SLC38A3: variants seen among roughly 807,000 people sequenced by gnomAD.
SLC38A3 encodes sodium-coupled neutral amino acid transporter 3.
SLC38A3 carries 17 observed loss-of-function variants against 59.5 expected under a neutral mutation model. The ratio of observed to expected loss-of-function variants is 0.29; its 90% CI spans 0.20 to 0.43. SLC38A3 has a LOEUF of 0.43. SLC38A3 is among the 20% of genes least tolerant of loss of function. SLC38A3 has a pLI of 1.00. For missense variants in SLC38A3, 454 were observed against 653.9 expected (o/e 0.69, Z 3.33); for synonymous variants, 238 against 260.3 (o/e 0.91, Z 0.82).
intron 1 of SLC38A3, among the ~76,000 whole-genome samples, chr3:50,205,704 C>T (rs1485810386): frequency 1.3e-5 from 2 of 152,216 alleles, no homozygotes; most frequent in East Asian, 3.8e-4. Context: ...CCACAGGCTT[C>T]CTGAGGCAGG....
At position 50,218,080 on chromosome 3, in the gene SLC38A3, G is replaced by A; in HGVS notation, c.935+84G>A. 1 of 1,366,172 alleles carries A rather than the reference G, an allele frequency of 7.3e-7. No individual in the cohort carries two copies. Among genetic ancestry groups the A allele is most frequent in the Non-Finnish European group, 1.0e-6 (1 of 966,806 alleles). 84.6% of individuals were successfully genotyped at this position (1,366,172 alleles called of 1,614,324 possible). On this transcript the variant is annotated intron_variant, in intron 11 of 15. Transcript: ENST00000614032. This position sits in a 1 kb window ranked among gnomAD's most constrained non-coding sequence, Gnocchi z 5.8. ...GGATGTGGTCCTGAATGTGGAGAGG[G>A]GAGTGACAGGAGCCAAGTCACTTTA...
rs1699879900 is a variant in SLC38A3, at chr3:50,220,319, T to C, written c.*142T>C. ...ATTCAGCCAGGCCCCATGTCCTCTC[T>C]GTGGAAGGTTTTTGTTCAAGAGCCA... On this transcript the variant is annotated 3_prime_UTR_variant, in exon 16 of 16. Transcript: ENST00000614032. 4.4e-6 allele frequency: 3 copies of C among 682,222 alleles called. No individual in the cohort carries two copies. Among genetic ancestry groups the C allele is most frequent in the Non-Finnish European group, 7.5e-6 (3 of 399,442 alleles). The allele number at this position is 682,222 out of a possible 1,614,324, so 42.3% of individuals were successfully genotyped here. A position where few individuals can be genotyped will look rare whatever the true frequency, so the allele number is the denominator to read the frequency against.
intron 1 of SLC38A3, among the ~76,000 whole-genome samples, chr3:50,205,741 C>G (rs1699637268): frequency 6.6e-6 from 1 of 152,198 alleles, no homozygotes; most frequent in Non-Finnish European, 1.5e-5. Context: ...GGAGAGGGCC[C>G]GAGGGGAGGA....
In SLC38A3 at chr3:50,220,261, G is replaced by C; in HGVS notation, c.*84G>C. The C allele has an allele frequency of 1.9e-6, 2 of 1,039,786 alleles. No individual in the cohort carries two copies. The highest frequency in any genetic ancestry group is 1.4e-6 in the Non-Finnish European group (1 of 691,664). The allele number at this position is 1,039,786 out of a possible 1,614,324, so 64.4% of individuals were successfully genotyped here. Reference sequence around the variant, plus strand: ...CCCTGCTCCCATCCAGTGGCCAGTCGGGGGAGGAGAAAGACGCGATTAACA... The same window carrying C: ...CCCTGCTCCCATCCAGTGGCCAGTCCGGGGAGGAGAAAGACGCGATTAACA... On this transcript the variant is annotated 3_prime_UTR_variant, in exon 16 of 16. Coordinates refer to ENST00000614032, the MANE Select transcript of SLC38A3 (RefSeq NM_006841.6).
At position 50,214,748 on chromosome 3, in the gene SLC38A3, T is replaced by G; in HGVS notation, c.279T>G (p.Asn93Lys). 1.1e-5 allele frequency: 17 copies of G among 1,611,194 alleles called. No individual in the cohort carries two copies. The highest frequency in any genetic ancestry group is 1.3e-5 in the Non-Finnish European group (15 of 1,178,040). Residue 93 changes from asparagine to lysine, a missense_variant, in exon 4 of 16, where the codon AAT (asparagine) becomes AAG (lysine). Physicochemically the swap from Asn to Lys is moderately conservative, Grantham distance 94. Coordinates refer to ENST00000614032, the MANE Select transcript of SLC38A3 (RefSeq NM_006841.6). This position sits in a 1 kb window ranked among gnomAD's most constrained non-coding sequence, Gnocchi z 6.0. ...TGGGACTCGCCTATGCCATGGCCAA[T>G]ACGGGCATTATCCTTTTCCTGTGAG... ...GILGLAYAMA[N>K]TGIILFLFLL...
chr3:50,218,219 C>G lies in SLC38A3; in HGVS notation c.936-51C>G. On this transcript the variant is annotated intron_variant, in intron 11 of 15. Coordinates refer to ENST00000614032, the MANE Select transcript of SLC38A3 (RefSeq NM_006841.6). This position sits in a 1 kb window ranked among gnomAD's most constrained non-coding sequence, Gnocchi z 5.8. ...GAGAGCTTGGGGCACATGGGGGTCT[C>G]CCAATGTTACCCAGCTTGTCACCAA... 1 of 1,342,390 alleles carries G rather than the reference C, an allele frequency of 7.4e-7. No individual in the cohort carries two copies. Among genetic ancestry groups the G allele is most frequent in the Non-Finnish European group, 1.1e-6 (1 of 932,860 alleles). 83.2% of individuals were successfully genotyped at this position (1,342,390 alleles called of 1,614,324 possible).
intron 1 of SLC38A3, among the ~76,000 whole-genome samples, chr3:50,210,781 A>G (rs1699715035): frequency 6.6e-6 from 1 of 152,070 alleles, no homozygotes; most frequent in Non-Finnish European, 1.5e-5. Flanking sequence ...CTCCCAGGAA[A>G]ACAAACAGGT....
chr3:50,217,511 CG>C lies in SLC38A3; in HGVS notation c.690+41del, dbSNP rs1699834998. Reference sequence around the variant, plus strand: ...CCATGTTGGCTGAGAAAGCGGGCAGCGGGTCTCCTGGGGGAGTTCCCTGTCA... The same window carrying C: ...CCATGTTGGCTGAGAAAGCGGGCAGCGGTCTCCTGGGGGAGTTCCCTGTCA... On this transcript the variant is annotated intron_variant, in intron 9 of 15. Transcript: ENST00000614032. The surrounding 1 kb of genome is among the most constrained non-coding windows in gnomAD (Gnocchi z 4.9). The C allele has an allele frequency of 6.2e-7, 1 of 1,604,680 alleles. No individual in the cohort carries two copies. Among genetic ancestry groups the C allele is most frequent in the Admixed American group, 1.7e-5 (1 of 58,800 alleles).
Position 50,214,976 on chromosome 3 carries a change from G to T in SLC38A3, c.299+208G>T, listed in dbSNP as rs1699795222. 2 of 602,662 alleles carry T rather than the reference G, an allele frequency of 3.3e-6. No homozygotes were observed. Among genetic ancestry groups the T allele is most frequent in the South Asian group, 4.0e-5 (2 of 50,062 alleles). 37.3% of individuals were successfully genotyped at this position (602,662 alleles called of 1,614,324 possible). Reference sequence around the variant, plus strand: ...TAAACCGACTGAGGTCACAACACAGGCCGGTCTTACAGGCCAGAGACTGTC... The same window carrying T: ...TAAACCGACTGAGGTCACAACACAGTCCGGTCTTACAGGCCAGAGACTGTC... On this transcript the variant is annotated intron_variant, in intron 4 of 15. Coordinates refer to ENST00000614032, the MANE Select transcript of SLC38A3 (RefSeq NM_006841.6). The surrounding 1 kb of genome is among the most constrained non-coding windows in gnomAD (Gnocchi z 6.0).
chr3:50,216,149 T>A (rs1223787788), intron 7 of SLC38A3, among the ~76,000 whole-genome samples: 1 of 152,202 alleles, frequency 6.6e-6, no homozygotes, highest in Non-Finnish European at 1.5e-5. Context: ...CGCCTGCTAT[T>A]CCTGACCATG....
chr3:50,218,424 G>T lies in SLC38A3; in HGVS notation c.1036+54G>T. 1 of 1,537,450 alleles carries T rather than the reference G, an allele frequency of 6.5e-7. No homozygotes were observed. Among genetic ancestry groups the T allele is most frequent in the Non-Finnish European group, 9.0e-7 (1 of 1,110,742 alleles). ...AGGCTAGGCTGGGGGGAAGGGGCTG[G>T]TTGTGGCCATGGTGCCCTCCATACC... is the stretch of plus-strand genomic sequence containing the variant. On this transcript the variant is annotated intron_variant, in intron 12 of 15. Transcript: ENST00000614032. This position sits in a 1 kb window ranked among gnomAD's most constrained non-coding sequence, Gnocchi z 5.8.
Position 50,214,744 on chromosome 3 carries a change from C to G in SLC38A3, c.275C>G (p.Ala92Gly). Residue 92 changes from alanine to glycine, a missense_variant, in exon 4 of 16, where the codon GCC (alanine) becomes GGC (glycine). Coordinates refer to ENST00000614032, the MANE Select transcript of SLC38A3 (RefSeq NM_006841.6). The surrounding 1 kb of genome is among the most constrained non-coding windows in gnomAD (Gnocchi z 6.0). ...ATCCTGGGACTCGCCTATGCCATGG[C>G]CAATACGGGCATTATCCTTTTCCTG... ...SGILGLAYAM[A>G]NTGIILFLFL... is the part of the protein sequence containing the mutation. The G allele has an allele frequency of 6.2e-7, 1 of 1,611,684 alleles. No homozygotes were observed. The highest frequency in any genetic ancestry group is 1.1e-5 in the South Asian group (1 of 90,736).
At position 50,214,463 on chromosome 3, in the gene SLC38A3, A is replaced by C. The variant is rs1187868664; in HGVS notation, c.163A>C (p.Lys55Gln). 6.4e-7 allele frequency: 1 copy of C among 1,570,114 alleles called. No homozygotes were observed. The highest frequency in any genetic ancestry group is 1.9e-5 in the Admixed American group (1 of 52,912). Residue 55 changes from lysine to glutamine, a missense_variant, in exon 3 of 16, where the codon AAG becomes CAG. Transcript: ENST00000614032. This position sits in a 1 kb window ranked among gnomAD's most constrained non-coding sequence, Gnocchi z 6.0. ...GKSFLQKSPS[K>Q]EPHFTDFEGK... ...GAGCTTCCTACAGAAAAGTCCCAGC[A>C]AGGAGCCACACTTCACTGACGTGAG...
intron 1 of SLC38A3, chr3:50,207,902 A>G (rs991186121): frequency 1.1e-4 from 16 of 152,354 alleles, no homozygotes; most frequent in Non-Finnish European, 1.6e-4. Flanking sequence ...GCACACGTGC[A>G]TGGCTGCTGG....
intron 1 of SLC38A3, among the ~76,000 whole-genome samples, chr3:50,211,914 C>A (rs1334750169): frequency 2.0e-5 from 3 of 152,160 alleles, no homozygotes; most frequent in Admixed American, 6.5e-5. Context: ...TGAGACCCAG[C>A]ATTATGTGGC....
In SLC38A3 at chr3:50,215,417, A is replaced by T; in HGVS notation, c.331A>T (p.Ser111Cys). The T allele has an allele frequency of 6.2e-7, 1 of 1,613,882 alleles. No homozygotes were observed. Among genetic ancestry groups the T allele is most frequent in the Non-Finnish European group, 8.5e-7 (1 of 1,179,850 alleles). Residue 111 changes from serine to cysteine, a missense_variant, in exon 5 of 16, where the codon AGC becomes TGC. By Grantham distance (112) the Ser-to-Cys change is moderately radical. This residue lies in a region of SLC38A3 where 390 missense variants were observed against 557.9 expected (regional missense o/e 0.70). Transcript: ENST00000614032. This position sits in a 1 kb window ranked among gnomAD's most constrained non-coding sequence, Gnocchi z 7.1. ...FLLTAVALLS[S>C]YSIHLLLKSS... ...GTTGACAGCTGTCGCCTTGCTCTCC[A>T]GCTACTCCATCCACCTGCTACTCAA...
chr3:50,215,406 C>T lies in SLC38A3; in HGVS notation c.320C>T (p.Ala107Val). ...CCCAGGTTCCTGTTGACAGCTGTCG[C>T]CTTGCTCTCCAGCTACTCCATCCAC... ...ILFLFLLTAV[A>V]LLSSYSIHLL... is the part of the protein sequence containing the mutation. The change falls in exon 5 of 16, where the codon GCC (alanine) becomes GTC (valine). Residue 107 changes from alanine to valine, a missense_variant. Coordinates refer to ENST00000614032, the MANE Select transcript of SLC38A3 (RefSeq NM_006841.6). This position sits in a 1 kb window ranked among gnomAD's most constrained non-coding sequence, Gnocchi z 7.1. 6.2e-7 allele frequency: 1 copy of T among 1,613,978 alleles called. No homozygotes were observed.
chr3:50,209,173 T>C (rs1559752320), intron 1 of SLC38A3, among the ~76,000 whole-genome samples: 1 of 152,228 alleles, frequency 6.6e-6, no homozygotes, highest in Non-Finnish European at 1.5e-5. Context: ...CTGCACGTCC[T>C]TCTCAGCAGG....
At position 50,218,575 on chromosome 3, in the gene SLC38A3, C is replaced by T. The variant is rs1478039421; in HGVS notation, c.1037-18C>T. ...CTTCCTGGGGCCACCTACTGACCACCCTCCCTGCCTGCCACAGACGGGGTG... is the reference window on the plus strand; with the variant it reads ...CTTCCTGGGGCCACCTACTGACCACTCTCCCTGCCTGCCACAGACGGGGTG... On this transcript the variant is annotated intron_variant, in intron 12 of 15. Coordinates refer to ENST00000614032, the MANE Select transcript of SLC38A3 (RefSeq NM_006841.6). This position sits in a 1 kb window ranked among gnomAD's most constrained non-coding sequence, Gnocchi z 5.8. 1.2e-6 allele frequency: 2 copies of T among 1,609,352 alleles called. No individual in the cohort carries two copies. Among genetic ancestry groups the T allele is most frequent in the Admixed American group, 1.7e-5 (1 of 59,880 alleles).
Sources: allele counts gnomAD v4.1 joint callset (sites outside exome capture counted in the v4.1 genomes callset), GRCh38; gene constraint gnomAD v4.1.1; regional missense constraint gnomAD v4.1.1; non-coding constraint Gnocchi (gnomAD v3.1); transcripts MANE v1.5; gene names NCBI Gene and HGNC (gene_info 2026-07-23, HGNC 2026-07-21).